Variants in NIPBL observed in about 807,000 individuals in gnomAD.
The protein encoded by NIPBL is NIPBL cohesin loading factor.
In NIPBL, 19 loss-of-function variants were observed where a neutral mutation model predicts 321.8. That is an observed-to-expected ratio of 0.06 (90% confidence interval 0.04 to 0.09). NIPBL has a LOEUF of 0.09. Ranked by LOEUF, NIPBL falls within the 10% of genes least tolerant of loss-of-function variation. The pLI, the probability that NIPBL is intolerant of heterozygous loss-of-function variation, is 1.00. For missense variants in NIPBL, 2,210 were observed against 3,327.0 expected, an observed-to-expected ratio of 0.66 and a Z score of 8.26; for synonymous variants, 1,106 against 1,114.1, an observed-to-expected ratio of 0.99 and a Z score of 0.14.
At position 36,986,070 on chromosome 5, in the gene NIPBL, G is replaced by A; in HGVS notation, c.2890G>A (p.Asp964Asn). The A allele has an allele frequency of 1.9e-6, 3 of 1,613,850 alleles. No homozygotes were observed. The highest frequency in any genetic ancestry group is 2.5e-6 in the Non-Finnish European group (3 of 1,179,916). Residue 964 changes from aspartate (D) to asparagine (N), a missense_variant, in exon 10 of 47, where the codon GAT becomes AAT. Transcript: ENST00000282516. The stretch of plus-strand genomic sequence containing the variant: ...TTTTGTCATTCCGAAAATCAAGAGG[G>A]ATAAAGATGGCAATGTTACTCAGGA... The part of the protein sequence containing the change: ...KNFVIPKIKR[D>N]KDGNVTQETK...
In NIPBL at chr5:36,876,925, C is replaced by T. The variant is rs201682335; in HGVS notation, c.-333C>T. 5.5e-4 allele frequency: 200 copies of T among 361,076 alleles called. 1 individual carries two copies. In the East Asian group the frequency reaches 7.3e-3, roughly 13 times the overall value. 22.4% of individuals were successfully genotyped at this position (361,076 alleles called of 1,614,324 possible). On this transcript the variant is annotated 5_prime_UTR_variant, in exon 1 of 47. Transcript: ENST00000282516. Reference sequence around the variant, plus strand: ...GCCGACAGGAGAATTGGTTCCCGGGCCCGCGGCGATGCCCCCCCGGTAGCT... The same window carrying T: ...GCCGACAGGAGAATTGGTTCCCGGGTCCGCGGCGATGCCCCCCCGGTAGCT...
At chr5:37,054,479 A>G (rs990572491) in intron 42 of NIPBL, among the ~76,000 whole-genome samples, 4 of 152,204 alleles carry the variant, frequency 2.6e-5, no homozygotes, top group Non-Finnish European at 4.4e-5. Context: ...ATACAAAATT[A>G]ATAGTGATTA....
chr5:36,927,879 T>A (rs7729475), intron 1 of NIPBL, among the ~76,000 whole-genome samples: 1 of 152,102 alleles, frequency 6.6e-6, no homozygotes, highest in Non-Finnish European at 1.5e-5. Context: ...AGGAGACGGG[T>A]TTCGCCATGT....
chr5:36,978,792 GTTC>G (rs1301311109), intron 9 of NIPBL, among the ~76,000 whole-genome samples: 1 of 151,646 alleles, frequency 6.6e-6, no homozygotes, highest in Non-Finnish European at 1.5e-5. Flanking sequence ...GTCCCGTCTC[GTTC>G]TTCTGCTTAT....
chr5:36,971,003 C>G lies in NIPBL; in HGVS notation c.738C>G (p.Asp246Glu). 6.2e-7 allele frequency: 1 copy of G among 1,613,498 alleles called. No individual in the cohort carries two copies. Among genetic ancestry groups the G allele is most frequent in the South Asian group, 1.1e-5 (1 of 91,074 alleles). ...ATCCTAGACATGGTTCAAGTGAGGA[C>G]TACCTACACATGGTGCACAGGCTAA... ...ADNPRHGSSE[D>E]YLHMVHRLSS... Residue 246 changes from aspartate (D) to glutamate (E), a missense_variant, in exon 7 of 47, where the codon GAC becomes GAG. Physicochemically the swap from Asp to Glu is conservative, Grantham distance 45. Around this residue, in one of 14 missense-constraint regions of NIPBL, gnomAD observed 464 missense variants for 529.5 expected, o/e 0.88. Transcript: ENST00000282516.
At chr5:36,980,672 C>A (rs1005488670) in intron 9 of NIPBL, among the ~76,000 whole-genome samples, 3 of 151,574 alleles carry the variant, frequency 2.0e-5, no homozygotes, top group Admixed American at 2.0e-4. Context: ...TAGGCTATAT[C>A]ATCTAGGTTT....
intron 1 of NIPBL, among the ~76,000 whole-genome samples, chr5:36,881,203 A>G (rs1384795616): frequency 6.6e-6 from 1 of 152,054 alleles, no homozygotes; most frequent in East Asian, 1.9e-4. Context: ...TAAGGCCATC[A>G]TTGTAATTTT....
At position 37,020,895 on chromosome 5, in the gene NIPBL, TC is replaced by T; in HGVS notation, c.5328+20del. The T allele has an allele frequency of 5.3e-6, 8 of 1,517,050 alleles. No homozygotes were observed. Among genetic ancestry groups the T allele is most frequent in the Non-Finnish European group, 7.3e-6 (8 of 1,091,564 alleles). The allele number at this position is 1,517,050 out of a possible 1,614,324, so 94.0% of individuals were successfully genotyped here. On this transcript the variant is annotated intron_variant, in intron 27 of 46. Coordinates refer to ENST00000282516, the MANE Select transcript of NIPBL (RefSeq NM_133433.4). Reference sequence around the variant, plus strand: ...TGACACAGGTAAACTGGATAAGAATTCCTTATACAGTGATATTGATTTTTCT... The same window carrying T: ...TGACACAGGTAAACTGGATAAGAATTCTTATACAGTGATATTGATTTTTCT...
At chr5:37,000,059 A>G (rs1023233821) in intron 11 of NIPBL, among the ~76,000 whole-genome samples, 1 of 152,196 alleles carries the variant, frequency 6.6e-6, no homozygotes, top group African/African-American at 2.4e-5. Flanking sequence ...AAGTTTAGGT[A>G]TAACCCTTAC....
At chr5:37,008,247 T>C (rs1030243937) in intron 19 of NIPBL, among the ~76,000 whole-genome samples, 159 bp downstream of exon 19, 3 of 152,154 alleles carry the variant, frequency 2.0e-5, no homozygotes, top group Non-Finnish European at 2.9e-5. Flanking sequence ...CTTTATTAAT[T>C]GAGGATTTAT....
chr5:36,884,575 G>A (rs557587309), intron 1 of NIPBL, among the ~76,000 whole-genome samples: 8 of 152,004 alleles, frequency 5.3e-5, no homozygotes, highest in South Asian at 4.2e-4. Context: ...TCCTATATTC[G>A]TCAGCCATAC....
Position 37,064,758 on chromosome 5 carries a change from C to T in NIPBL, c.8281C>T (p.Pro2761Ser). 1 of 1,614,144 alleles carries T rather than the reference C, an allele frequency of 6.2e-7. No individual in the cohort carries two copies. The highest frequency in any genetic ancestry group is 8.5e-7 in the Non-Finnish European group (1 of 1,180,026). Residue 2761 changes from proline to serine, a missense_variant, in exon 47 of 47, where the codon CCT becomes TCT. Transcript: ENST00000282516. ...AKRRDGRKLV[P>S]WVDTIKESDI... ...GCGCCGTGATGGCCGCAAACTGGTGCCTTGGGTAGACACTATTAAAGAGTC... is the reference window on the plus strand; with the variant it reads ...GCGCCGTGATGGCCGCAAACTGGTGTCTTGGGTAGACACTATTAAAGAGTC...
At chr5:36,927,744 A>G (rs1749474385) in intron 1 of NIPBL, among the ~76,000 whole-genome samples, 1 of 152,218 alleles carries the variant, frequency 6.6e-6, no homozygotes, top group African/African-American at 2.4e-5. Context: ...AAATGGAGAT[A>G]TCAAATAGGC....
chr5:36,913,566 A>G (rs1279798753), intron 1 of NIPBL, among the ~76,000 whole-genome samples: 4 of 151,878 alleles, frequency 2.6e-5, no homozygotes, highest in African/African-American at 9.7e-5. Flanking sequence ...ATTTTTCTGT[A>G]GAGAAACTCC....
intron 1 of NIPBL, among the ~76,000 whole-genome samples, chr5:36,940,747 GTAAT>G (rs1244919916): frequency 6.6e-6 from 1 of 152,102 alleles, no homozygotes; most frequent in African/African-American, 2.4e-5. Context: ...ATGTGCCTCT[GTAAT>G]TATTGTCTTA....
intron 1 of NIPBL, among the ~76,000 whole-genome samples, chr5:36,878,622 A>G (rs1745274752): frequency 6.6e-6 from 1 of 152,174 alleles, no homozygotes; most frequent in African/African-American, 2.4e-5. Context: ...TCATTAAATT[A>G]TTGTCACTGT....
At chr5:36,941,559 G>A (rs1225526277) in intron 1 of NIPBL, among the ~76,000 whole-genome samples, 1 of 149,842 alleles carries the variant, frequency 6.7e-6, no homozygotes, top group South Asian at 2.1e-4. Flanking sequence ...AGAGTTTCAG[G>A]TTTAATTAAA....
chr5:36,923,458 T>A (rs1749112304), intron 1 of NIPBL, among the ~76,000 whole-genome samples: 1 of 152,208 alleles, frequency 6.6e-6, no homozygotes, highest in East Asian at 1.9e-4. Context: ...AGAGTAATCT[T>A]TGAATATTGT....
chr5:36,975,722 G>A, intron 8 of NIPBL, 54 bp from the exon 9 acceptor site: 4 of 1,534,794 alleles, frequency 2.6e-6, no homozygotes, highest in Non-Finnish European at 3.6e-6. Context: ...CTATCACATT[G>A]TAAGAAAATG....
Sources: allele counts gnomAD v4.1 joint callset (sites outside exome capture counted in the v4.1 genomes callset), GRCh38; gene constraint gnomAD v4.1.1; regional missense constraint gnomAD v4.1.1; transcripts MANE v1.5; gene names NCBI Gene and HGNC (gene_info 2026-07-23, HGNC 2026-07-21).